The following CIROZ variants were observed in gnomAD, a reference collection of about 807,000 sequenced individuals.
The protein encoded by CIROZ is ciliated left-right organizer protein containing ZP-N domains.
chr1:10,977,357 C>T, the CIROZ span, among the ~76,000 whole-genome samples: 102 of 150,768 alleles, frequency 6.8e-4, 1 homozygote, highest in Admixed American at 1.8e-3. Flanking sequence ...GTGGCGTGCG[C>T]CTGTAATCCC....
At chr1:10,974,765 G>A in the CIROZ span, among the ~76,000 whole-genome samples, 2 of 152,052 alleles carry the variant, frequency 1.3e-5, no homozygotes, top group Non-Finnish European at 2.9e-5. This position sits in a 1 kb window ranked among gnomAD's most constrained non-coding sequence, Gnocchi z 4.4. Context: ...ACTGCACCCC[G>A]TACACCTCTT....
the CIROZ span, among the ~76,000 whole-genome samples, chr1:10,979,498 C>T: frequency 6.6e-5 from 10 of 152,036 alleles, no homozygotes; most frequent in African/African-American, 2.2e-4. Flanking sequence ...TGCCTCCTGG[C>T]GGGAGTGAGG....
chr1:10,966,005 C>G, the CIROZ span, among the ~76,000 whole-genome samples: 1 of 152,064 alleles, frequency 6.6e-6, no homozygotes, highest in African/African-American at 2.4e-5. Flanking sequence ...TGTGCCAGGC[C>G]CTGAGGCAAG....
chr1:10,975,357 G>A, the CIROZ span, among the ~76,000 whole-genome samples: 4 of 144,238 alleles, frequency 2.8e-5, no homozygotes, highest in Admixed American at 2.1e-4. Flanking sequence ...GTGAGCCGAA[G>A]TTGTGCCACT....
chr1:10,953,526 A>G, the CIROZ span, among the ~76,000 whole-genome samples: 1 of 152,120 alleles, frequency 6.6e-6, no homozygotes, highest in Non-Finnish European at 1.5e-5. Flanking sequence ...TGCCAAGGAC[A>G]CTCGTCTGTC....
At chr1:10,976,005 T>C in the CIROZ span, 2 of 640,376 alleles carry the variant, frequency 3.1e-6, no homozygotes, top group Non-Finnish European at 2.7e-6. Flanking sequence ...GTTGGGAGAA[T>C]GACAGCCTGA....
At chr1:10,964,723 C>T in the CIROZ span, among the ~76,000 whole-genome samples, 13 of 152,162 alleles carry the variant, frequency 8.5e-5, no homozygotes, top group Non-Finnish European at 1.8e-4. Flanking sequence ...CTCCACCTCC[C>T]GGGTTCAAGC....
chr1:10,948,842 C>T, the CIROZ span: 1 of 1,483,098 alleles, frequency 6.7e-7, no homozygotes, highest in South Asian at 1.5e-5. Flanking sequence ...GTCCAAGCCC[C>T]TTCTTCACCA....
chr1:10,979,635 G>A, the CIROZ span, among the ~76,000 whole-genome samples: 1 of 152,144 alleles, frequency 6.6e-6, no homozygotes, highest in Non-Finnish European at 1.5e-5. Flanking sequence ...GTGCAAGACT[G>A]TTGACAGCAG....
chr1:10,964,255 AGCCTGT>A, the CIROZ span: 1 of 1,612,980 alleles, frequency 6.2e-7, no homozygotes, highest in Non-Finnish European at 8.5e-7. Context: ...TCTGATTTCC[AGCCTGT>A]AATTTGCTTT....
chr1:10,948,755 C>G, the CIROZ span: 1 of 1,540,254 alleles, frequency 6.5e-7, no homozygotes, highest in Non-Finnish European at 8.7e-7. Flanking sequence ...GGGGACCTCG[C>G]TGAGCTTGCA....
the CIROZ span, among the ~76,000 whole-genome samples, chr1:10,976,948 A>T: frequency 6.2e-3 from 939 of 152,294 alleles, 8 homozygotes; most frequent in African/African-American, 0.021. Context: ...GCTTGAGCCC[A>T]GGAGTTCAAG....
chr1:10,957,697 G>C, the CIROZ span: 1 of 1,614,146 alleles, frequency 6.2e-7, no homozygotes, highest in Admixed American at 1.7e-5. Flanking sequence ...GTCCCATCAG[G>C]CTGGCGTCTT....
chr1:10,948,861 G>T, the CIROZ span: 2 of 1,478,706 alleles, frequency 1.4e-6, no homozygotes, highest in Non-Finnish European at 1.8e-6. Context: ...CAAGAGAGAA[G>T]TGGAGAGAGA....
chr1:10,955,211 C>A, the CIROZ span: 1 of 1,569,266 alleles, frequency 6.4e-7, no homozygotes, highest in Non-Finnish European at 8.7e-7. Context: ...ACACAGGACA[C>A]AGAAAAAGGC....
At chr1:10,947,839 G>T in the CIROZ span, 1 of 1,602,070 alleles carries the variant, frequency 6.2e-7, no homozygotes, top group Non-Finnish European at 8.5e-7. Context: ...ACTCCTGTGG[G>T]AGCCCACAGG....
chr1:10,964,643 G>A, the CIROZ span, among the ~76,000 whole-genome samples: 3 of 152,128 alleles, frequency 2.0e-5, no homozygotes, highest in East Asian at 1.9e-4. Flanking sequence ...GCTATTTTTT[G>A]TTGTTGAGAC....
chr1:10,947,757 A>G, the CIROZ span: 2 of 1,592,470 alleles, frequency 1.3e-6, no homozygotes, highest in Non-Finnish European at 1.7e-6. Flanking sequence ...GGGCTCTGTC[A>G]GCTCCTGCTG....
chr1:10,951,362 T>C, the CIROZ span, among the ~76,000 whole-genome samples: 1 of 151,920 alleles, frequency 6.6e-6, no homozygotes, highest in Non-Finnish European at 1.5e-5. Flanking sequence ...GTCAGGAGTT[T>C]AAGACCAGCC....
Sources: gnomAD v4.1 joint callset for allele counts (sites outside exome capture counted in the v4.1 genomes callset) on GRCh38, gnomAD v4.1.1 for gene constraint, Gnocchi (gnomAD v3.1) non-coding constraint, MANE v1.5 for transcripts, NCBI Gene and HGNC (gene_info 2026-07-23, HGNC 2026-07-21) for gene names.